Variants in SLC27A6 observed in about 807,000 individuals in gnomAD.
SLC27A6 encodes the protein long-chain fatty acid transport protein 6.
A neutral mutation model predicts 63.9 loss-of-function variants in SLC27A6; 74 were observed. The ratio of observed to expected loss-of-function variants is 1.16; its 90% CI spans 0.96 to 1.40. SLC27A6 has a LOEUF of 1.40. SLC27A6 is among the 40% of genes most tolerant of loss of function. The probability of loss-of-function intolerance (pLI) is 0.00; values close to 1 mark genes in which losing one functional copy is unlikely to be tolerated. For synonymous variants in SLC27A6, 287 were observed against 260.8 expected (o/e 1.10, Z -0.97); for missense variants, 794 against 732.9 (o/e 1.08, Z -0.96).
intron 4 of SLC27A6, among the ~76,000 whole-genome samples, chr5:128,990,822 A>G (rs1183997228): frequency 6.6e-6 from 1 of 152,236 alleles, no homozygotes; most frequent in Non-Finnish European, 1.5e-5. Flanking sequence ...TTAGCCATTC[A>G]GGAACAATGG....
chr5:128,969,743 A>C (rs534905034), intron 1 of SLC27A6, among the ~76,000 whole-genome samples: 80 of 152,280 alleles, frequency 5.3e-4, no homozygotes, highest in African/African-American at 1.9e-3. Flanking sequence ...TTCCTAATTG[A>C]ATACCTTTTA....
At chr5:128,994,978 A>T (rs1179740344) in intron 4 of SLC27A6, among the ~76,000 whole-genome samples, 4 of 152,222 alleles carry the variant, frequency 2.6e-5, no homozygotes, top group Admixed American at 2.6e-4. Context: ...TTGTTTTCAG[A>T]AAAAGAGACT....
In SLC27A6 at chr5:128,973,254, C is replaced by T. The variant is rs189378570; in HGVS notation, c.481+6636C>T. Reference sequence around the variant, plus strand: ...GGACCCACTTGAGGAGGCAGTCTGTCGGTTCTCAGATTTCAAACTCCCTGC... The same window carrying T: ...GGACCCACTTGAGGAGGCAGTCTGTTGGTTCTCAGATTTCAAACTCCCTGC... On this transcript the variant is annotated intron_variant, in intron 1 of 9. Transcript: ENST00000262462. Among the ~76,000 whole-genome samples, 28 of 152,176 alleles carry T rather than the reference C, an allele frequency of 1.8e-4. 1 individual carries two copies. Among genetic ancestry groups the T allele is most frequent in the African/African-American group, 7.2e-5 (3 of 41,448 alleles).
chr5:128,973,338 T>C (rs1232068581), intron 1 of SLC27A6, among the ~76,000 whole-genome samples: 1 of 152,228 alleles, frequency 6.6e-6, no homozygotes. Flanking sequence ...TCTGCAGAAG[T>C]GTCTGCTGCC....
intron 4 of SLC27A6, among the ~76,000 whole-genome samples, chr5:129,004,570 C>G (rs1751455358): frequency 6.6e-6 from 1 of 152,160 alleles, no homozygotes; most frequent in South Asian, 2.1e-4. Context: ...CATGTCCTCT[C>G]ATTCCTATCC....
Position 129,029,840 on chromosome 5 carries a change from G to A in SLC27A6, c.1683+133G>A, listed in dbSNP as rs143786902. The A allele has an allele frequency of 1.6e-4, 118 of 720,170 alleles. 1 individual carries two copies. In the East Asian group the frequency reaches 3.5e-3, roughly 21 times the overall value. 44.6% of individuals were successfully genotyped at this position (720,170 alleles called of 1,614,324 possible). A position where few individuals can be genotyped will look rare whatever the true frequency, so the allele number is the denominator to read the frequency against. ...AGGCGTGGCGTGTAGAGTTGATGCA[G>A]ATCGATGCCATGTTTGAAGCCTAAT... On this transcript the variant is annotated intron_variant, in intron 9 of 9. Transcript: ENST00000262462.
At chr5:128,996,823 C>A (rs1561620750) in intron 4 of SLC27A6, among the ~76,000 whole-genome samples, 1 of 152,022 alleles carries the variant, frequency 6.6e-6, no homozygotes, top group Non-Finnish European at 1.5e-5. Flanking sequence ...AAGGAGAGAT[C>A]GAATGATGCT....
intron 6 of SLC27A6, among the ~76,000 whole-genome samples, chr5:129,025,048 A>G (rs960658873): frequency 2.0e-5 from 3 of 152,138 alleles, no homozygotes; most frequent in African/African-American, 4.8e-5. Context: ...CTACTGTTCT[A>G]TTTCTTACAA....
intron 1 of SLC27A6, among the ~76,000 whole-genome samples, chr5:128,970,695 G>A (rs201388515): frequency 9.1e-4 from 138 of 151,462 alleles, no homozygotes; most frequent in East Asian, 5.8e-4. Context: ...TTTGTTGATC[G>A]TTTCAGAAAA....
chr5:128,967,638 C>T (rs1273907713), intron 1 of SLC27A6, among the ~76,000 whole-genome samples: 1 of 152,096 alleles, frequency 6.6e-6, no homozygotes, highest in Non-Finnish European at 1.5e-5. Context: ...GTATATCAAA[C>T]CAAAGTGAGT....
intron 4 of SLC27A6, among the ~76,000 whole-genome samples, chr5:129,007,042 TAAG>T (rs1466961811): frequency 2.6e-5 from 4 of 152,272 alleles, no homozygotes; most frequent in African/African-American, 7.2e-5. Context: ...TGTAAAGAGA[TAAG>T]AAGAAAATAA....
At chr5:129,024,938 A>G (rs1359499923) in intron 6 of SLC27A6, among the ~76,000 whole-genome samples, 2 of 152,216 alleles carry the variant, frequency 1.3e-5, no homozygotes, top group Non-Finnish European at 1.5e-5. Context: ...TTTCAAGCCT[A>G]CTGGCATTTA....
chr5:128,992,559 T>A (rs1751020139), intron 4 of SLC27A6, among the ~76,000 whole-genome samples: 1 of 152,228 alleles, frequency 6.6e-6, no homozygotes, highest in African/African-American at 2.4e-5. Flanking sequence ...CACAGATTCA[T>A]AGCCAAGACA....
At chr5:128,970,783 T>C (rs61258371) in intron 1 of SLC27A6, among the ~76,000 whole-genome samples, 12,415 of 146,226 alleles carry the variant, frequency 0.085, 1,382 homozygotes, top group East Asian at 0.57. Context: ...ATCTTAGTTA[T>C]TTCTTGCCTT....
chr5:128,970,074 T>G (rs1240414348), intron 1 of SLC27A6, among the ~76,000 whole-genome samples: 1 of 148,690 alleles, frequency 6.7e-6, no homozygotes, highest in Non-Finnish European at 1.5e-5. Flanking sequence ...GTTTATTGAT[T>G]TGCATGTGCT....
At chr5:129,017,283 A>T (rs913415752) in intron 5 of SLC27A6, among the ~76,000 whole-genome samples, 2 of 152,144 alleles carry the variant, frequency 1.3e-5, no homozygotes, top group African/African-American at 4.8e-5. Flanking sequence ...TAATTTTTTT[A>T]AAAGACAACT....
chr5:129,020,896 G>A (rs1488087621), intron 5 of SLC27A6, among the ~76,000 whole-genome samples: 1 of 152,028 alleles, frequency 6.6e-6, no homozygotes, highest in Non-Finnish European at 1.5e-5. Flanking sequence ...GGGTACCAAG[G>A]GTGAAGCTTC....
At chr5:129,027,897 G>T (rs1002918680) in intron 7 of SLC27A6, among the ~76,000 whole-genome samples, 1 of 151,724 alleles carries the variant, frequency 6.6e-6, no homozygotes, top group East Asian at 1.9e-4. Flanking sequence ...AGTCAAAGGG[G>T]GTTAACACCT....
In SLC27A6 at chr5:129,005,857, C is replaced by T. The variant is rs1405124145; in HGVS notation, c.970-10028C>T. On this transcript the variant is annotated intron_variant, in intron 4 of 9. Transcript: ENST00000262462. ...TCGATCTCCTGACCTCGTGATCCGC[C>T]TGCCTCGGCCCCCCAAAGTGCTAGG... Among the ~76,000 whole-genome samples the T allele has an allele frequency of 2.0e-5, 3 of 151,580 alleles. No homozygotes were observed. The East Asian group carries it at 6.0e-4, about 30-fold the overall frequency.
Sources: gnomAD v4.1 joint callset for allele counts (sites outside exome capture counted in the v4.1 genomes callset) on GRCh38, gnomAD v4.1.1 for gene constraint, MANE v1.5 for transcripts, NCBI Gene and HGNC (gene_info 2026-07-23, HGNC 2026-07-21) for gene names.